Variants in COL28A1 observed in about 807,000 individuals in gnomAD.
COL28A1 encodes the protein collagen alpha-1(XXVIII) chain.
COL28A1 carries 161 observed loss-of-function variants against 150.2 expected under a neutral mutation model. That is an observed-to-expected ratio of 1.07 (90% CI 0.94 to 1.22). COL28A1 has a LOEUF of 1.22. Among genes scored for constraint, COL28A1 ranks in the 50% most tolerant of loss-of-function variants. COL28A1 has a pLI of 0.00. For missense variants in COL28A1, 1,617 were observed against 1,388.3 expected (o/e 1.16, Z -2.62); for synonymous variants, 552 against 469.7 (o/e 1.18, Z -2.26).
intron 11 of COL28A1, among the ~76,000 whole-genome samples, chr7:7,504,368 G>T (rs1237948366): frequency 6.6e-6 from 1 of 152,136 alleles, no homozygotes; most frequent in African/African-American, 2.4e-5. Context: ...AGGCACAGTG[G>T]TATGTGCCTC....
chr7:7,453,883 A>G (rs1186091280), intron 16 of COL28A1, among the ~76,000 whole-genome samples: 4 of 152,136 alleles, frequency 2.6e-5, no homozygotes, highest in African/African-American at 9.7e-5. Context: ...CAGTAGCTGG[A>G]ATTAAGAGAG....
Position 7,489,460 on chromosome 7 carries a change from AAGAG to A in COL28A1, c.1096-7_1096-4del. On this transcript the variant is annotated splice_region_variant and splice_polypyrimidine_tract_variant and intron_variant, in intron 12 of 34. Transcript: ENST00000399429. ...CTTCCTTCTTGGCCTCTTTCTCCCT[AAGAG>A]AAAGAAATAATAGAATGAAAGCTTG... 2 of 1,223,902 alleles carry A rather than the reference AAGAG, an allele frequency of 1.6e-6. No homozygotes were observed. The highest frequency in any genetic ancestry group is 4.6e-5 in the East Asian group (2 of 43,162). 75.8% of individuals were successfully genotyped at this position (1,223,902 alleles called of 1,614,324 possible). A position where few individuals can be genotyped will look rare whatever the true frequency, so the allele number is the denominator to read the frequency against.
intron 15 of COL28A1, among the ~76,000 whole-genome samples, chr7:7,462,666 C>G (rs779738235): frequency 4.4e-4 from 67 of 152,160 alleles, no homozygotes; most frequent in Middle Eastern, 3.2e-3. Flanking sequence ...CACGACCAGC[C>G]TGACCAACAT....
At chr7:7,486,372 T>C (rs1292327227) in intron 13 of COL28A1, among the ~76,000 whole-genome samples, 1 of 152,184 alleles carries the variant, frequency 6.6e-6, no homozygotes, top group African/African-American at 2.4e-5. Flanking sequence ...ATGGAGGCCA[T>C]CATATCATCT....
chr7:7,404,433 T>C (rs73674526), intron 27 of COL28A1, among the ~76,000 whole-genome samples: 97 of 152,226 alleles, frequency 6.4e-4, no homozygotes, highest in African/African-American at 2.3e-3. Flanking sequence ...TATGTGGCTA[T>C]AGGCCCACCC....
At chr7:7,351,998 C>T (rs1267818454), downstream of COL28A1, among the ~76,000 whole-genome samples, 1 of 152,120 alleles carries the variant, frequency 6.6e-6, no homozygotes, top group Non-Finnish European at 1.5e-5. Flanking sequence ...GAAATATTTA[C>T]AATCTATTCT....
At chr7:7,541,130 A>G in the COL28A1 span, among the ~76,000 whole-genome samples, 1 of 152,228 alleles carries the variant, frequency 6.6e-6, no homozygotes, top group African/African-American at 2.4e-5. Flanking sequence ...TTAAGCCGTT[A>G]CAATGCTGGT....
the COL28A1 span, among the ~76,000 whole-genome samples, chr7:7,340,243 G>A: frequency 6.6e-6 from 1 of 152,070 alleles, no homozygotes; most frequent in Admixed American, 6.6e-5. Flanking sequence ...GGTAATACAA[G>A]TTTTAAAAAT....
intron 34 of COL28A1, among the ~76,000 whole-genome samples, chr7:7,359,202 T>G (rs1160388973): frequency 6.6e-6 from 1 of 152,082 alleles, no homozygotes; most frequent in South Asian, 2.1e-4. Flanking sequence ...TTCCACTTTC[T>G]GTACACATTT....
intron 13 of COL28A1, among the ~76,000 whole-genome samples, chr7:7,485,297 C>G (rs751435887): frequency 2.0e-5 from 3 of 151,944 alleles, no homozygotes; most frequent in Non-Finnish European, 4.4e-5. Context: ...ATATTTTGCC[C>G]AATTTCTAAT....
In COL28A1 at chr7:7,358,731, C is replaced by A. The variant is rs780807233; in HGVS notation, c.3280G>T (p.Val1094Phe). The change falls in exon 35 of 35, where the codon GTC (valine) becomes TTC (phenylalanine). Residue 1094 changes from valine to phenylalanine, a missense_variant. Val to Phe is a conservative substitution (Grantham distance 50, BLOSUM62 -1). Transcript: ENST00000399429. ...AACCAAAATCGGGCACAAGAGTTGACCTGTTTGTCATAATACCATCGAACC... is the reference window on the plus strand; with the variant it reads ...AACCAAAATCGGGCACAAGAGTTGAACTGTTTGTCATAATACCATCGAACC... Reference protein sequence around the residue: ...YVVRWYYDKQVNSCARFWFSG... With the variant: ...YVVRWYYDKQFNSCARFWFSG... The A allele has an allele frequency of 6.2e-7, 1 of 1,614,018 alleles. No individual in the cohort carries two copies. The highest frequency in any genetic ancestry group is 8.5e-7 in the Non-Finnish European group (1 of 1,179,944).
intron 25 of COL28A1, among the ~76,000 whole-genome samples, chr7:7,429,296 C>A (rs1478054121): frequency 6.6e-6 from 1 of 152,126 alleles, no homozygotes; most frequent in Non-Finnish European, 1.5e-5. Context: ...GCTTCCGCTG[C>A]CATGGACAAT....
At chr7:7,450,072 T>G (rs1786566352) in intron 18 of COL28A1, among the ~76,000 whole-genome samples, 1 of 152,108 alleles carries the variant, frequency 6.6e-6, no homozygotes, top group Non-Finnish European at 1.5e-5. Context: ...CACTGAGAGA[T>G]ATAAATAGAC....
intron 27 of COL28A1, among the ~76,000 whole-genome samples, chr7:7,411,486 G>A (rs1391233937): frequency 6.6e-6 from 1 of 152,054 alleles, no homozygotes; most frequent in African/African-American, 2.4e-5. Context: ...TCTCCTTCAG[G>A]AGCCTAACTG....
At chr7:7,389,465 G>T (rs996586318) in intron 27 of COL28A1, among the ~76,000 whole-genome samples, 3 of 152,158 alleles carry the variant, frequency 2.0e-5, no homozygotes, top group Non-Finnish European at 4.4e-5. Context: ...GCTTAAGATT[G>T]TCTTGGTTAT....
At chr7:7,448,451 G>GA (rs960537094) in intron 18 of COL28A1, among the ~76,000 whole-genome samples, 1 of 150,898 alleles carries the variant, frequency 6.6e-6, no homozygotes, top group Non-Finnish European at 1.5e-5. Context: ...TCTATAACCA[G>GA]AAAAAATAAT....
chr7:7,520,394 C>G (rs1374548422), intron 5 of COL28A1, among the ~76,000 whole-genome samples: 1 of 152,190 alleles, frequency 6.6e-6, no homozygotes, highest in Non-Finnish European at 1.5e-5. Context: ...GTTTTGCAAA[C>G]AAAATCAAAC....
intron 12 of COL28A1, 95 bp downstream of exon 12, chr7:7,490,483 T>C (rs575958434): frequency 1.8e-5 from 11 of 617,738 alleles, no homozygotes; most frequent in East Asian, 2.9e-5. Flanking sequence ...CTTGTGTCTA[T>C]TGGATTTAGG....
At chr7:7,486,010 A>G (rs1353421395) in intron 13 of COL28A1, among the ~76,000 whole-genome samples, 1 of 152,176 alleles carries the variant, frequency 6.6e-6, no homozygotes, top group African/African-American at 2.4e-5. Context: ...TGGGGTATCA[A>G]AAACATTTGC....
Sources: allele counts gnomAD v4.1 joint callset (sites outside exome capture counted in the v4.1 genomes callset), GRCh38; gene constraint gnomAD v4.1.1; transcripts MANE v1.5; gene names NCBI Gene and HGNC (gene_info 2026-07-23, HGNC 2026-07-21).